DDAH2: variants seen among roughly 807,000 people sequenced by gnomAD.
DDAH2 encodes putative hydrolase DDAH2.
Under a neutral mutation model 24.8 loss-of-function variants are expected in DDAH2, and 8 were observed. The observed-to-expected ratio is 0.32, with a 90% CI of 0.19 to 0.58. The LOEUF (loss-of-function observed/expected upper bound fraction) is 0.58. Ranked by LOEUF, DDAH2 falls within the 20% of genes least tolerant of loss-of-function variation. DDAH2 has a pLI of 0.87. For synonymous variants in DDAH2, 151 were observed against 166.1 expected (o/e 0.91, Z 0.70); for missense variants, 281 against 379.0 (o/e 0.74, Z 2.15).
chr6:31,728,035 AT>A lies in DDAH2; in HGVS notation c.591+137del. On this transcript the variant is annotated intron_variant, in intron 4 of 5. Transcript: ENST00000375789. This position sits in a 1 kb window ranked among gnomAD's most constrained non-coding sequence, Gnocchi z 9.8. ...CCCAGTCCTGCTGTTGTAACTTCTT[AT>A]TTTCTCCTGTGTTCTTTCATGTAAG... 8.9e-7 allele frequency: 1 copy of A among 1,117,614 alleles called. No homozygotes were observed. Among genetic ancestry groups the A allele is most frequent in the South Asian group, 1.5e-5 (1 of 65,860 alleles). 69.2% of individuals were successfully genotyped at this position (1,117,614 alleles called of 1,614,324 possible). A position where few individuals can be genotyped will look rare whatever the true frequency, so the allele number is the denominator to read the frequency against.
chr6:31,729,156 C>A lies in DDAH2; in HGVS notation c.6G>T (p.Gly2=). Reference sequence around the variant, plus strand: ...AGCGGCCCAGCCCCTCCCCCGGCGTCCCCATCCCATCCACACAGACTCCCC... The same window carrying A: ...AGCGGCCCAGCCCCTCCCCCGGCGTACCCATCCCATCCACACAGACTCCCC... The part of the protein sequence containing the change: M[G]TPGEGLGRCS... The change falls in exon 1 of 6, where the codon GGG becomes GGT. Residue 2 remains glycine, a synonymous_variant. Transcript: ENST00000375789. This position sits in a 1 kb window ranked among gnomAD's most constrained non-coding sequence, Gnocchi z 6.7. 1 of 1,604,606 alleles carries A rather than the reference C, an allele frequency of 6.2e-7. No homozygotes were observed. Among genetic ancestry groups the A allele is most frequent in the Non-Finnish European group, 8.5e-7 (1 of 1,173,920 alleles).
At position 31,728,153 on chromosome 6, in the gene DDAH2, T is replaced by C; in HGVS notation, c.591+20A>G. The C allele has an allele frequency of 5.0e-6, 8 of 1,609,478 alleles. No individual in the cohort carries two copies. The highest frequency in any genetic ancestry group is 3.3e-5 in the Admixed American group (2 of 59,850). On this transcript the variant is annotated intron_variant, in intron 4 of 5. Coordinates refer to ENST00000375789, the MANE Select transcript of DDAH2 (RefSeq NM_001303007.2). This position sits in a 1 kb window ranked among gnomAD's most constrained non-coding sequence, Gnocchi z 9.8. ...GGCCCAGAACTGCGCCCACTTTCGT[T>C]GGCCCCGCCCCCTCCTCACCCGGAC...
rs944855516 is a variant in DDAH2 at position 31,728,150 on chromosome 6, C to T, written c.591+23G>A. 1.2e-6 allele frequency: 2 copies of T among 1,608,808 alleles called. No homozygotes were observed. The highest frequency in any genetic ancestry group is 2.7e-5 in the African/African-American group (2 of 74,856). On this transcript the variant is annotated intron_variant, in intron 4 of 5. Coordinates refer to ENST00000375789, the MANE Select transcript of DDAH2 (RefSeq NM_001303007.2). The surrounding 1 kb of genome is among the most constrained non-coding windows in gnomAD (Gnocchi z 9.8). Reference sequence around the variant, plus strand: ...CCGGGCCCAGAACTGCGCCCACTTTCGTTGGCCCCGCCCCCTCCTCACCCG... The same window carrying T: ...CCGGGCCCAGAACTGCGCCCACTTTTGTTGGCCCCGCCCCCTCCTCACCCG...
upstream of DDAH2, chr6:31,729,546 T>G (rs928431311): frequency 2.5e-4 from 61 of 245,980 alleles, no homozygotes; most frequent in Non-Finnish European, 3.9e-4. The surrounding 1 kb of genome is among the most constrained non-coding windows in gnomAD (Gnocchi z 6.7). Flanking sequence ...TCCCCAAAAA[T>G]GCAGCAGCCC....
rs775460540 is a variant in DDAH2, at chr6:31,729,141, C to T, written c.21G>A (p.Gly7=). 7.5e-6 allele frequency: 12 copies of T among 1,609,212 alleles called. No homozygotes were observed. Among genetic ancestry groups the T allele is most frequent in the Admixed American group, 1.7e-5 (1 of 59,876 alleles). MGTPGE[G]LGRCSHALIR... ...TCAGGGCATGGGAGCAGCGGCCCAG[C>T]CCCTCCCCCGGCGTCCCCATCCCAT... The change falls in exon 1 of 6, where the codon GGG becomes GGA. Residue 7 remains glycine, a synonymous_variant. Transcript: ENST00000375789. This position sits in a 1 kb window ranked among gnomAD's most constrained non-coding sequence, Gnocchi z 6.7.
At position 31,727,606 on chromosome 6, in the gene DDAH2, C is replaced by G. The variant is rs768902016; in HGVS notation, c.678G>C (p.Gly226=). ...GGAGGAAAGGGGGCACACCAGGCAACCCAGGACGAAGAAAGAGACAGTCAG... is the reference window on the plus strand; with the variant it reads ...GGAGGAAAGGGGGCACACCAGGCAAGCCAGGACGAAGAAAGAGACAGTCAG... ...AAADCLFLRP[G]LPGVPPFLLH... is the part of the protein sequence containing the mutation. Residue 226 remains glycine (G), a synonymous_variant, in exon 5 of 6, where the codon GGG becomes GGC. Coordinates refer to ENST00000375789, the MANE Select transcript of DDAH2 (RefSeq NM_001303007.2). This position sits in a 1 kb window ranked among gnomAD's most constrained non-coding sequence, Gnocchi z 6.0. 6.2e-6 allele frequency: 10 copies of G among 1,613,048 alleles called. No individual in the cohort carries two copies.
rs1807669768 is a variant in DDAH2, at chr6:31,729,298, G to A, written c.-137C>T. The A allele has an allele frequency of 1.3e-6, 1 of 742,686 alleles. No homozygotes were observed. The highest frequency in any genetic ancestry group is 2.2e-6 in the Non-Finnish European group (1 of 459,670). 46.0% of individuals were successfully genotyped at this position (742,686 alleles called of 1,614,324 possible). Reference sequence around the variant, plus strand: ...ACAAGGGCGTTGGGGGTGGTTAAGAGCGCCCAGGTCTTCCTCCTGCCATCT... The same window carrying A: ...ACAAGGGCGTTGGGGGTGGTTAAGAACGCCCAGGTCTTCCTCCTGCCATCT... On this transcript the variant is annotated 5_prime_UTR_variant, in exon 1 of 6. Coordinates refer to ENST00000375789, the MANE Select transcript of DDAH2 (RefSeq NM_001303007.2). This position sits in a 1 kb window ranked among gnomAD's most constrained non-coding sequence, Gnocchi z 6.7.
chr6:31,728,228 C>T lies in DDAH2; in HGVS notation c.536G>A (p.Gly179Glu). ...GCCTGCCACAACAGTGCGAGGTCCC[C>T]CCATGCCGCAGAGACCGCGCAGGTG... ...PSHLRGLCGM[G>E]GPRTVVAGSS... Residue 179 changes from glycine to glutamate, a missense_variant, in exon 4 of 6, where the codon GGG becomes GAG. By Grantham distance (98) the Gly-to-Glu change is moderately conservative. Coordinates refer to ENST00000375789, the MANE Select transcript of DDAH2 (RefSeq NM_001303007.2). This position sits in a 1 kb window ranked among gnomAD's most constrained non-coding sequence, Gnocchi z 9.8. 3.1e-6 allele frequency: 5 copies of T among 1,612,814 alleles called. No homozygotes were observed. The highest frequency in any genetic ancestry group is 4.2e-6 in the Non-Finnish European group (5 of 1,179,954).
rs1319150143 is a variant in DDAH2 at position 31,728,328 on chromosome 6, G to C, written c.472-36C>G. The C allele has an allele frequency of 6.2e-7, 1 of 1,605,514 alleles. No individual in the cohort carries two copies. Among genetic ancestry groups the C allele is most frequent in the Non-Finnish European group, 8.5e-7 (1 of 1,174,886 alleles). On this transcript the variant is annotated intron_variant, in intron 3 of 5. Transcript: ENST00000375789. The surrounding 1 kb of genome is among the most constrained non-coding windows in gnomAD (Gnocchi z 9.8). ...CGAAGGGAGGTATTCAGGGGCGCGG[G>C]AGGGGTGATGGGGTATCTTCAAACA...
chr6:31,727,213 C>T lies in DDAH2; in HGVS notation c.*24G>A. The stretch of plus-strand genomic sequence containing the variant: ...CTTCCTATACTATCCTACCCCTGGC[C>T]AGCAGTACCCCAAGGCCAGGCCCTC... On this transcript the variant is annotated 3_prime_UTR_variant, in exon 6 of 6. Coordinates refer to ENST00000375789, the MANE Select transcript of DDAH2 (RefSeq NM_001303007.2). The surrounding 1 kb of genome is among the most constrained non-coding windows in gnomAD (Gnocchi z 6.0). The T allele has an allele frequency of 3.8e-6, 6 of 1,572,494 alleles. No individual in the cohort carries two copies. The highest frequency in any genetic ancestry group is 5.2e-6 in the Non-Finnish European group (6 of 1,143,788).
In DDAH2 at chr6:31,728,163, C is replaced by A; in HGVS notation, c.591+10G>T. On this transcript the variant is annotated intron_variant, in intron 4 of 5. Transcript: ENST00000375789. This position sits in a 1 kb window ranked among gnomAD's most constrained non-coding sequence, Gnocchi z 9.8. ...TGCGCCCACTTTCGTTGGCCCCGCCCCCTCCTCACCCGGACAGCCTTTTGG... is the reference window on the plus strand; with the variant it reads ...TGCGCCCACTTTCGTTGGCCCCGCCACCTCCTCACCCGGACAGCCTTTTGG... 1 of 1,610,980 alleles carries A rather than the reference C, an allele frequency of 6.2e-7. No homozygotes were observed. The highest frequency in any genetic ancestry group is 8.5e-7 in the Non-Finnish European group (1 of 1,179,816).
chr6:31,728,710 C>T lies in DDAH2; in HGVS notation c.333G>A (p.Gly111=), dbSNP rs746854218. ...DGVRKALQDL[G]LRIVEIGDEN... is the part of the protein sequence containing the mutation. ...CGTCTCCTATTTCCACAATTCGGAG[C>T]CCCAGGTCTTGCAGGGCTTTGCGGA... Residue 111 remains glycine, a synonymous_variant, in exon 2 of 6, where the codon GGG becomes GGA. Coordinates refer to ENST00000375789, the MANE Select transcript of DDAH2 (RefSeq NM_001303007.2). This position sits in a 1 kb window ranked among gnomAD's most constrained non-coding sequence, Gnocchi z 9.8. 9 of 1,613,034 alleles carry T rather than the reference C, an allele frequency of 5.6e-6. No individual in the cohort carries two copies. Among genetic ancestry groups the T allele is most frequent in the Non-Finnish European group, 6.8e-6 (8 of 1,180,002 alleles).
chr6:31,727,084 C>G lies in DDAH2; in HGVS notation c.*153G>C. The G allele has an allele frequency of 1.5e-6, 1 of 682,168 alleles. No homozygotes were observed. The highest frequency in any genetic ancestry group is 1.8e-5 in the African/African-American group (1 of 55,958). 42.3% of individuals were successfully genotyped at this position (682,168 alleles called of 1,614,324 possible). ...TATTGGTTCTGAGAGGGAGGATTCA[C>G]CCAGTGGATCCTTTTCCCTACACTC... On this transcript the variant is annotated 3_prime_UTR_variant, in exon 6 of 6. Coordinates refer to ENST00000375789, the MANE Select transcript of DDAH2 (RefSeq NM_001303007.2). This position sits in a 1 kb window ranked among gnomAD's most constrained non-coding sequence, Gnocchi z 6.0.
Position 31,728,808 on chromosome 6 carries a change from C to A in DDAH2, c.297+57G>T. On this transcript the variant is annotated intron_variant, in intron 1 of 5. Coordinates refer to ENST00000375789, the MANE Select transcript of DDAH2 (RefSeq NM_001303007.2). The surrounding 1 kb of genome is among the most constrained non-coding windows in gnomAD (Gnocchi z 9.8). Reference sequence around the variant, plus strand: ...CCCATCCTCAATTCTTCCCCAAAGCCCCGACATCCAGTTCCTTCTGCCTTT... The same window carrying A: ...CCCATCCTCAATTCTTCCCCAAAGCACCGACATCCAGTTCCTTCTGCCTTT... 1.2e-6 allele frequency: 2 copies of A among 1,611,236 alleles called. No individual in the cohort carries two copies. The highest frequency in any genetic ancestry group is 1.7e-6 in the Non-Finnish European group (2 of 1,179,144).
Position 31,727,223 on chromosome 6 carries a change from C to G in DDAH2, c.*14G>C, listed in dbSNP as rs747497629. ...TATCCTACCCCTGGCCAGCAGTACC[C>G]CAAGGCCAGGCCCTCAGCTGTGGGG... On this transcript the variant is annotated 3_prime_UTR_variant, in exon 6 of 6. Coordinates refer to ENST00000375789, the MANE Select transcript of DDAH2 (RefSeq NM_001303007.2). The surrounding 1 kb of genome is among the most constrained non-coding windows in gnomAD (Gnocchi z 6.0). 3 of 1,601,698 alleles carry G rather than the reference C, an allele frequency of 1.9e-6. No individual in the cohort carries two copies. The South Asian group carries it at 3.3e-5, about 18-fold the overall frequency.
chr6:31,727,288 G>T lies in DDAH2; in HGVS notation c.807C>A (p.Gly269=), dbSNP rs766268044. 2.5e-6 allele frequency: 4 copies of T among 1,613,068 alleles called. No homozygotes were observed. Among genetic ancestry groups the T allele is most frequent in the Non-Finnish European group, 2.5e-6 (3 of 1,180,022 alleles). The change falls in exon 6 of 6, where the codon GGC becomes GGA. Residue 269 remains glycine, a synonymous_variant. Coordinates refer to ENST00000375789, the MANE Select transcript of DDAH2 (RefSeq NM_001303007.2). The surrounding 1 kb of genome is among the most constrained non-coding windows in gnomAD (Gnocchi z 6.0). ...CCAAGCAGAGGGAGCTGAGCCCGGCGCCAGCCTTCTCCAGTTCTGAGCAGG... is the reference window on the plus strand; with the variant it reads ...CCAAGCAGAGGGAGCTGAGCCCGGCTCCAGCCTTCTCCAGTTCTGAGCAGG... ...PVSCSELEKA[G]AGLSSLCLVL...
At position 31,728,348 on chromosome 6, in the gene DDAH2, CA is replaced by C; in HGVS notation, c.472-57del. On this transcript the variant is annotated intron_variant, in intron 3 of 5. Transcript: ENST00000375789. This position sits in a 1 kb window ranked among gnomAD's most constrained non-coding sequence, Gnocchi z 9.8. The stretch of plus-strand genomic sequence containing the variant: ...CGCGGGAGGGGTGATGGGGTATCTT[CA>C]AACATAGGCTGCTCTCTGCCTCTCA... 1 of 1,607,216 alleles carries C rather than the reference CA, an allele frequency of 6.2e-7. No individual in the cohort carries two copies. The highest frequency in any genetic ancestry group is 8.5e-7 in the Non-Finnish European group (1 of 1,176,118).
In DDAH2 at chr6:31,728,208, C is replaced by T. The variant is rs1192232874; in HGVS notation, c.556G>A (p.Ala186Thr). 1 of 1,612,744 alleles carries T rather than the reference C, an allele frequency of 6.2e-7. No homozygotes were observed. The highest frequency in any genetic ancestry group is 8.5e-7 in the Non-Finnish European group (1 of 1,179,956). Residue 186 changes from alanine (A) to threonine (T), a missense_variant, in exon 4 of 6, where the codon GCA becomes ACA. By Grantham distance (58) the Ala-to-Thr change is moderately conservative (BLOSUM62 0). Transcript: ENST00000375789. The surrounding 1 kb of genome is among the most constrained non-coding windows in gnomAD (Gnocchi z 9.8). ...TTTTGGGCAGCGTCGCTGCTGCCTGCCACAACAGTGCGAGGTCCCCCCATG... is the reference window on the plus strand; with the variant it reads ...TTTTGGGCAGCGTCGCTGCTGCCTGTCACAACAGTGCGAGGTCCCCCCATG... The part of the protein sequence containing the change: ...CGMGGPRTVV[A>T]GSSDAAQKAV...
chr6:31,729,024 C>T lies in DDAH2; in HGVS notation c.138G>A (p.Gly46=). ...GTTGCCTCAGTTTACCTCCCAGCAC[C>T]CCGTGCTCCCTTTGAGCTTTGGCCA... ...LDLAKAQREH[G]VLGGKLRQRL... The change falls in exon 1 of 6, where the codon GGG becomes GGA. Residue 46 remains glycine, a synonymous_variant. Transcript: ENST00000375789. This position sits in a 1 kb window ranked among gnomAD's most constrained non-coding sequence, Gnocchi z 6.7. The T allele has an allele frequency of 1.9e-6, 3 of 1,613,102 alleles. No individual in the cohort carries two copies. Among genetic ancestry groups the T allele is most frequent in the Non-Finnish European group, 2.5e-6 (3 of 1,180,044 alleles).
Sources: gnomAD v4.1 joint callset for allele counts on GRCh38, gnomAD v4.1.1 for gene constraint, Gnocchi (gnomAD v3.1) non-coding constraint, MANE v1.5 for transcripts, NCBI Gene and HGNC (gene_info 2026-07-23, HGNC 2026-07-21) for gene names.